The following PAPPA variants were observed in gnomAD, a reference collection of about 807,000 sequenced individuals.
PAPPA encodes the protein pappalysin 1.
Under a neutral mutation model 164.0 loss-of-function variants are expected in PAPPA, and 60 were observed. That is an observed-to-expected ratio of 0.37 (90% CI 0.30 to 0.45). The LOEUF is 0.45. PAPPA is among the 20% of genes least tolerant of loss of function. The pLI is 1.00. For synonymous variants in PAPPA, 875 were observed against 814.1 expected (o/e 1.07, Z -1.27); for missense variants, 1,782 against 2,087.3 (o/e 0.85, Z 2.85).
At chr9:116,377,471 T>C (rs753029155) in intron 19 of PAPPA, 105 bp from the exon 20 acceptor site, 27 of 728,138 alleles carry the variant, frequency 3.7e-5, no homozygotes, top group Non-Finnish European at 5.5e-5. Flanking sequence ...AGGTCAGGAA[T>C]TGGAAGGTCC....
chr9:116,225,807 AT>A (rs1221583999), intron 5 of PAPPA, among the ~76,000 whole-genome samples: 1 of 126,560 alleles, frequency 7.9e-6, no homozygotes, highest in African/African-American at 3.6e-5. Flanking sequence ...AGTGACTGGT[AT>A]CCATCCATCC....
intron 7 of PAPPA, among the ~76,000 whole-genome samples, chr9:116,264,312 A>G (rs1845040239): frequency 6.6e-6 from 1 of 152,214 alleles, no homozygotes; most frequent in Admixed American, 6.5e-5. Flanking sequence ...TCACTCATGC[A>G]TAAAAATCTC....
At chr9:116,364,760 AG>A (rs1846477411) in intron 18 of PAPPA, among the ~76,000 whole-genome samples, 1 of 150,728 alleles carries the variant, frequency 6.6e-6, no homozygotes, top group Non-Finnish European at 1.5e-5. Context: ...GTGGAGAAAG[AG>A]GGGAAGGGGT....
intron 10 of PAPPA, among the ~76,000 whole-genome samples, chr9:116,307,284 A>G (rs903517928): frequency 6.6e-5 from 10 of 152,232 alleles, no homozygotes; most frequent in African/African-American, 2.2e-4. Flanking sequence ...TGGCCCATCC[A>G]TAATACTTCA....
In PAPPA at chr9:116,397,771, T is replaced by C. The variant is rs1006533455; in HGVS notation, c.*1155T>C. On this transcript the variant is annotated 3_prime_UTR_variant, in exon 22 of 22. Coordinates refer to ENST00000328252, the MANE Select transcript of PAPPA (RefSeq NM_002581.5). ...GTGGAACAGTGTTAAATTTCTATGATGTTGGAGCCATCCAGAGACTACTGG... is the reference window on the plus strand; with the variant it reads ...GTGGAACAGTGTTAAATTTCTATGACGTTGGAGCCATCCAGAGACTACTGG... 1 of 152,676 alleles carries C rather than the reference T, an allele frequency of 6.5e-6. No homozygotes were observed. The highest frequency in any genetic ancestry group is 1.5e-5 in the Non-Finnish European group (1 of 68,054). 9.5% of individuals were successfully genotyped at this position (152,676 alleles called of 1,614,324 possible).
rs3761844 is a variant in PAPPA at position 116,347,258 on chromosome 9, C to T, written c.3964+49C>T. ...TCAGCCTTCCTTTGTCTATGGGAAA[C>T]CTAGAAGCTGCATCCAGGCCCTCTT... On this transcript the variant is annotated intron_variant, in intron 15 of 21. Coordinates refer to ENST00000328252, the MANE Select transcript of PAPPA (RefSeq NM_002581.5). The surrounding 1 kb of genome is among the most constrained non-coding windows in gnomAD (Gnocchi z 4.5). 0.024 allele frequency: 36,200 copies of T among 1,517,946 alleles called. 3,695 individuals are homozygous for T. In the African/African-American group the frequency reaches 0.3, roughly 13 times the overall value. 94.0% of individuals were successfully genotyped at this position (1,517,946 alleles called of 1,614,324 possible). A position where few individuals can be genotyped will look rare whatever the true frequency, so the allele number is the denominator to read the frequency against.
intron 9 of PAPPA, among the ~76,000 whole-genome samples, chr9:116,292,898 G>C (rs1845454185): frequency 6.6e-6 from 1 of 152,164 alleles, no homozygotes. Flanking sequence ...ATGAGTCTGT[G>C]GGGGAGGATC....
At chr9:116,335,320 T>G (rs572854425) in intron 13 of PAPPA, among the ~76,000 whole-genome samples, 2 of 152,074 alleles carry the variant, frequency 1.3e-5, no homozygotes, top group African/African-American at 4.8e-5. Flanking sequence ...AGCGGCAGAA[T>G]TGACAATAGC....
chr9:116,216,017 A>G (rs1844366687), intron 4 of PAPPA, among the ~76,000 whole-genome samples: 1 of 152,204 alleles, frequency 6.6e-6, no homozygotes, highest in Non-Finnish European at 1.5e-5. Flanking sequence ...ATAGGTAATG[A>G]GTTCAGGGTA....
chr9:116,191,252 C>A (rs1373974649), intron 2 of PAPPA, among the ~76,000 whole-genome samples: 1 of 152,118 alleles, frequency 6.6e-6, no homozygotes, highest in African/African-American at 2.4e-5. Flanking sequence ...TCAGAATGGT[C>A]CTTTTTGGGG....
In PAPPA at chr9:116,362,714, G is replaced by C; in HGVS notation, c.4470G>C (p.Leu1490=). The C allele has an allele frequency of 6.2e-7, 1 of 1,613,938 alleles. No homozygotes were observed. Among genetic ancestry groups the C allele is most frequent in the South Asian group, 1.1e-5 (1 of 91,044 alleles). The change falls in exon 18 of 22, where the codon CTG becomes CTC. Residue 1490 remains leucine (L), a synonymous_variant. Transcript: ENST00000328252. ...VPNELNSNLK[L]QCPDGYAIGS... ...ACGAGCTCAACAGCAACCTCAAACT[G>C]CAGTGCCCTGATGGCTATGCCATAG...
chr9:116,180,753 T>C (rs1843895330), intron 1 of PAPPA, among the ~76,000 whole-genome samples: 1 of 152,128 alleles, frequency 6.6e-6, no homozygotes, highest in Non-Finnish European at 1.5e-5. Context: ...ACTTAAAGCT[T>C]CCCAGGAAAA....
intron 8 of PAPPA, among the ~76,000 whole-genome samples, chr9:116,269,242 G>C (rs1156273626): frequency 1.3e-5 from 2 of 152,182 alleles, no homozygotes; most frequent in Non-Finnish European, 2.9e-5. Context: ...TACACAAAGA[G>C]ATTACAGAGG....
intron 10 of PAPPA, among the ~76,000 whole-genome samples, chr9:116,309,697 G>A (rs773444589): frequency 2.0e-5 from 3 of 152,086 alleles, no homozygotes; most frequent in Non-Finnish European, 4.4e-5. Flanking sequence ...CCAAAAAAAG[G>A]TAAATAATAG....
At chr9:116,311,111 AC>A (rs1412511137) in intron 10 of PAPPA, among the ~76,000 whole-genome samples, 1 of 149,376 alleles carries the variant, frequency 6.7e-6, no homozygotes, top group Non-Finnish European at 1.5e-5. Context: ...TAGAAATTTA[AC>A]CAGAGAGAGA....
At chr9:116,343,742 T>TTTATTTATTTAA (rs1367343998) in intron 13 of PAPPA, among the ~76,000 whole-genome samples, 3 of 538 alleles carry the variant, frequency 5.6e-3, no homozygotes, top group Non-Finnish European at 0.045. Flanking sequence ...ACCACTTATT[T>TTTATTTATTTAA]TTATTTATTT....
chr9:116,324,900 C>T (rs1845902840), intron 10 of PAPPA, among the ~76,000 whole-genome samples: 2 of 152,194 alleles, frequency 1.3e-5, no homozygotes, highest in African/African-American at 4.8e-5. Context: ...CTGAAACCAG[C>T]TCCTGAAAAC....
At chr9:116,377,886 AGC>A (rs1167647105) in intron 20 of PAPPA, among the ~76,000 whole-genome samples, 1 of 152,180 alleles carries the variant, frequency 6.6e-6, no homozygotes, top group African/African-American at 2.4e-5. Flanking sequence ...TTGGGTTCCA[AGC>A]CAGGCTTTTG....
At chr9:116,302,353 C>G (rs567275989) in intron 9 of PAPPA, among the ~76,000 whole-genome samples, 1 of 152,022 alleles carries the variant, frequency 6.6e-6, no homozygotes, top group Non-Finnish European at 1.5e-5. Flanking sequence ...ACAATTGAAA[C>G]CACATACTCA....
Sources: gnomAD v4.1 joint callset for allele counts (sites outside exome capture counted in the v4.1 genomes callset) on GRCh38, gnomAD v4.1.1 for gene constraint, Gnocchi (gnomAD v3.1) non-coding constraint, MANE v1.5 for transcripts, NCBI Gene and HGNC (gene_info 2026-07-23, HGNC 2026-07-21) for gene names.